RALGPS1: variants seen among roughly 807,000 people sequenced by gnomAD.
RALGPS1 encodes ras-specific guanine nucleotide-releasing factor RalGPS1.
A neutral mutation model predicts 78.8 loss-of-function variants in RALGPS1; 19 were observed. The observed-to-expected ratio is 0.24, with a 90% CI of 0.17 to 0.35. RALGPS1 has a LOEUF of 0.35. Among genes scored for constraint, RALGPS1 ranks in the 10% least tolerant of loss-of-function variants. RALGPS1 has a pLI of 1.00. For missense variants in RALGPS1, 454 were observed against 688.3 expected, an observed-to-expected ratio of 0.66 and a Z score of 3.81; for synonymous variants, 228 against 256.3, an observed-to-expected ratio of 0.89 and a Z score of 1.06.
intron 4 of RALGPS1, among the ~76,000 whole-genome samples, chr9:127,032,176 A>C (rs1445629503): frequency 1.3e-5 from 2 of 152,154 alleles, no homozygotes; most frequent in Admixed American, 1.3e-4. Context: ...TTCCCAGATA[A>C]ATATAGTATC....
At chr9:127,132,155 T>C (rs1011914758) in intron 8 of RALGPS1, among the ~76,000 whole-genome samples, 10 of 152,198 alleles carry the variant, frequency 6.6e-5, no homozygotes. Flanking sequence ...TTCAGGCATT[T>C]CCTGGGAGCT....
chr9:127,033,862 G>A (rs985357323), intron 4 of RALGPS1, among the ~76,000 whole-genome samples: 2 of 152,214 alleles, frequency 1.3e-5, no homozygotes, highest in African/African-American at 4.8e-5. Flanking sequence ...CTCTGAACAA[G>A]ATATTAAAGG....
At chr9:127,095,438 C>A (rs1344090988) in intron 8 of RALGPS1, among the ~76,000 whole-genome samples, 1 of 152,168 alleles carries the variant, frequency 6.6e-6, no homozygotes, top group African/African-American at 2.4e-5. Context: ...CACAATGAGA[C>A]TGGTTAAGGA....
At chr9:126,924,746 C>T (rs1028310479) in intron 1 of RALGPS1, among the ~76,000 whole-genome samples, 3 of 152,246 alleles carry the variant, frequency 2.0e-5, no homozygotes, top group African/African-American at 7.2e-5. Flanking sequence ...TGCCTACTAG[C>T]CCATCTGGCC....
In RALGPS1 at chr9:127,163,778, A is replaced by T. The variant is rs143071872; in HGVS notation, c.611-2291A>T. On this transcript the variant is annotated intron_variant, in intron 8 of 18. Transcript: ENST00000259351. ...GGATAAATCAGATAATGAACATATAACTCTTAGTGCAGTGCTCATCTATCC... is the reference window on the plus strand; with the variant it reads ...GGATAAATCAGATAATGAACATATATCTCTTAGTGCAGTGCTCATCTATCC... Among the ~76,000 whole-genome samples the T allele has an allele frequency of 7.9e-5, 12 of 152,298 alleles. No individual in the cohort carries two copies. In the East Asian group the frequency reaches 2.3e-3, roughly 29 times the overall value.
Position 127,187,974 on chromosome 9 carries a change from C to T in RALGPS1, c.911-7117C>T, listed in dbSNP as rs139077817. Reference sequence around the variant, plus strand: ...ACCCACCTGTGGCCCACAGAATCAACCTCCAGGGGTGGCCCAAGAAACTCC... The same window carrying T: ...ACCCACCTGTGGCCCACAGAATCAATCTCCAGGGGTGGCCCAAGAAACTCC... On this transcript the variant is annotated intron_variant, in intron 11 of 18. Transcript: ENST00000259351. Among the ~76,000 whole-genome samples the T allele has an allele frequency of 2.0e-5, 3 of 152,008 alleles. No individual in the cohort carries two copies. In the East Asian group the frequency reaches 5.8e-4, roughly 29 times the overall value.
At chr9:127,208,240 T>C (rs1295283191) in intron 14 of RALGPS1, among the ~76,000 whole-genome samples, 2 of 152,218 alleles carry the variant, frequency 1.3e-5, no homozygotes, top group Non-Finnish European at 2.9e-5. Flanking sequence ...CCTAAGAATC[T>C]TGTGGTCATT....
At chr9:127,035,030 A>AT (rs1378066403) in intron 5 of RALGPS1, among the ~76,000 whole-genome samples, 4 of 152,118 alleles carry the variant, frequency 2.6e-5, no homozygotes, top group Admixed American at 1.3e-4. Flanking sequence ...ATATCCCCAC[A>AT]TTGTACCCTG....
intron 8 of RALGPS1, among the ~76,000 whole-genome samples, chr9:127,089,662 C>T (rs561072277): frequency 2.6e-5 from 4 of 152,212 alleles, no homozygotes; most frequent in Non-Finnish European, 5.9e-5. Flanking sequence ...CAGTCCTCCC[C>T]AGCTTGTATT....
chr9:127,193,332 G>A (rs1035152976), intron 11 of RALGPS1, among the ~76,000 whole-genome samples: 2 of 152,182 alleles, frequency 1.3e-5, no homozygotes, highest in South Asian at 2.1e-4. Context: ...GGAGTTGCCC[G>A]GGGGCACTGA....
At chr9:127,132,498 C>T (rs1015400986) in intron 8 of RALGPS1, among the ~76,000 whole-genome samples, 12 of 152,330 alleles carry the variant, frequency 7.9e-5, no homozygotes, top group African/African-American at 2.9e-4. Context: ...GTTCTTCCCT[C>T]CCCAGCACGC....
At chr9:127,060,054 A>T (rs561059523) in intron 7 of RALGPS1, among the ~76,000 whole-genome samples, 2 of 152,326 alleles carry the variant, frequency 1.3e-5, no homozygotes, top group South Asian at 2.1e-4. Context: ...CAGAGTTCAG[A>T]GAAACTGCTG....
chr9:126,930,545 C>T (rs184350246), intron 1 of RALGPS1, among the ~76,000 whole-genome samples: 239 of 152,288 alleles, frequency 1.6e-3, no homozygotes, highest in Admixed American at 2.3e-3. Context: ...CAAGTTCAGA[C>T]GGTTCTCATG....
At chr9:127,166,819 G>C (rs1198393618) in intron 9 of RALGPS1, among the ~76,000 whole-genome samples, 1 of 152,210 alleles carries the variant, frequency 6.6e-6, no homozygotes, top group Non-Finnish European at 1.5e-5. Context: ...GTGTGCCCAT[G>C]ATGGTGGGGT....
chr9:126,914,811 G>C lies in RALGPS1; in HGVS notation c.-230G>C, dbSNP rs2033931201. 6.6e-6 allele frequency: 1 copy of C among 152,258 alleles called. No homozygotes were observed. Among genetic ancestry groups the C allele is most frequent in the Non-Finnish European group, 1.5e-5 (1 of 68,084 alleles). 9.4% of individuals were successfully genotyped at this position (152,258 alleles called of 1,614,324 possible). A position where few individuals can be genotyped will look rare whatever the true frequency, so the allele number is the denominator to read the frequency against. ...CCTGGAGCGGACGGTTCCTACTGCG[G>C]CTGGGCACCGGCTCCGCTCCCGCGT... On this transcript the variant is annotated 5_prime_UTR_variant, in exon 1 of 19. Transcript: ENST00000259351.
intron 14 of RALGPS1, among the ~76,000 whole-genome samples, chr9:127,206,508 T>G (rs2061937913): frequency 6.6e-6 from 1 of 152,060 alleles, no homozygotes; most frequent in Non-Finnish European, 1.5e-5. Flanking sequence ...GAGAACTCAC[T>G]CACTATCATG....
intron 1 of RALGPS1, among the ~76,000 whole-genome samples, chr9:126,921,860 G>A (rs969321787): frequency 6.6e-6 from 1 of 152,258 alleles, no homozygotes; most frequent in African/African-American, 2.4e-5. Context: ...AGCTAGAATA[G>A]TGTCCTCTTT....
At chr9:127,162,583 C>T (rs1374247442) in intron 8 of RALGPS1, among the ~76,000 whole-genome samples, 3 of 152,198 alleles carry the variant, frequency 2.0e-5, no homozygotes, top group Non-Finnish European at 4.4e-5. Context: ...AGCCAGGAGG[C>T]TTCCTTTTGA....
chr9:127,022,408 C>T (rs779285711), intron 4 of RALGPS1, among the ~76,000 whole-genome samples: 1 of 152,034 alleles, frequency 6.6e-6, no homozygotes, highest in Non-Finnish European at 1.5e-5. Context: ...GCCCTCTCTG[C>T]CGTGCTCTCC....
Sources: allele counts gnomAD v4.1 joint callset (sites outside exome capture counted in the v4.1 genomes callset), GRCh38; gene constraint gnomAD v4.1.1; transcripts MANE v1.5; gene names NCBI Gene and HGNC (gene_info 2026-07-23, HGNC 2026-07-21).